The following XKR6 variants were observed in gnomAD, a reference collection of about 807,000 sequenced individuals.
XKR6 encodes the protein XK related 6, also known as XK-related protein 6.
In XKR6, 22 loss-of-function variants were observed where a neutral mutation model predicts 56.7. That is an observed-to-expected ratio of 0.39 (90% CI 0.28 to 0.55). The LOEUF (loss-of-function observed/expected upper bound fraction) is 0.55, where lower values mean the gene tolerates loss of function less well. Ranked by LOEUF, XKR6 falls within the 20% of genes least tolerant of loss-of-function variation. XKR6 has a pLI of 0.66. For synonymous variants in XKR6, 524 were observed against 387.8 expected (o/e 1.35, Z -4.13); for missense variants, 852 against 889.0 (o/e 0.96, Z 0.53).
intron 1 of XKR6, among the ~76,000 whole-genome samples, chr8:11,099,085 C>T (rs1236782337): frequency 2.0e-5 from 3 of 152,138 alleles, no homozygotes; most frequent in Admixed American, 2.0e-4. Flanking sequence ...CCATTTTCGC[C>T]CTCCTCTGTC....
rs1803306344 is a variant in XKR6, at chr8:11,186,925, C to G, written c.764+13651G>C. On this transcript the variant is annotated intron_variant, in intron 1 of 2. Coordinates refer to ENST00000416569, the MANE Select transcript of XKR6 (RefSeq NM_173683.4). ...TTTACTGCCTCTCATATTTAACTAA[C>G]TTCTACTTAATTTGGAAGTTCTCCC... is the stretch of plus-strand genomic sequence containing the variant. Among the ~76,000 whole-genome samples, 3 of 152,180 alleles carry G rather than the reference C, an allele frequency of 2.0e-5. No homozygotes were observed. In the South Asian group the frequency reaches 6.2e-4, roughly 32 times the overall value.
intron 1 of XKR6, among the ~76,000 whole-genome samples, chr8:11,090,345 C>A (rs964964511): frequency 2.1e-4 from 32 of 152,122 alleles, no homozygotes; most frequent in African/African-American, 7.7e-4. Flanking sequence ...CTCTCAGCCT[C>A]CCAAAGTGTT....
intron 1 of XKR6, among the ~76,000 whole-genome samples, chr8:11,132,955 AAAG>A (rs1416597319): frequency 6.6e-6 from 1 of 152,154 alleles, no homozygotes; most frequent in African/African-American, 2.4e-5. Context: ...TACAAGTAAA[AAAG>A]AAGAGTTAAA....
chr8:11,130,700 A>T (rs1024917916), intron 1 of XKR6, among the ~76,000 whole-genome samples: 14 of 152,032 alleles, frequency 9.2e-5, no homozygotes, highest in African/African-American at 3.4e-4. Flanking sequence ...ACAAAGGTAC[A>T]GATTGTGTAT....
At chr8:11,172,701 C>A (rs911307148) in intron 1 of XKR6, among the ~76,000 whole-genome samples, 9 of 152,060 alleles carry the variant, frequency 5.9e-5, no homozygotes, top group African/African-American at 2.2e-4. Flanking sequence ...ACAGAAAAAG[C>A]TTCCACATAA....
intron 2 of XKR6, among the ~76,000 whole-genome samples, chr8:10,900,856 C>A (rs1489625796): frequency 2.2e-4 from 2 of 9,274 alleles, no homozygotes; most frequent in East Asian, 4.3e-3. Flanking sequence ...TGTGCAATTA[C>A]CTTTTTTTTT....
At chr8:10,993,824 G>A (rs1374013844) in intron 1 of XKR6, among the ~76,000 whole-genome samples, 1 of 152,144 alleles carries the variant, frequency 6.6e-6, no homozygotes, top group Non-Finnish European at 1.5e-5. Flanking sequence ...ATTCAAAGAG[G>A]GGCTGGGGTT....
intron 1 of XKR6, among the ~76,000 whole-genome samples, chr8:11,050,833 C>T (rs752474247): frequency 5.9e-5 from 9 of 152,106 alleles, no homozygotes; most frequent in Admixed American, 3.9e-4. Context: ...ACACCTATCC[C>T]CCATTCCCCA....
chr8:11,155,689 G>C (rs1315801908), intron 1 of XKR6, among the ~76,000 whole-genome samples: 1 of 152,184 alleles, frequency 6.6e-6, no homozygotes, highest in East Asian at 1.9e-4. Context: ...CACTTGCAGA[G>C]ACACTGGCAC....
chr8:11,181,005 C>A (rs1280611202), intron 1 of XKR6, among the ~76,000 whole-genome samples: 2 of 152,166 alleles, frequency 1.3e-5, no homozygotes, highest in African/African-American at 2.4e-5. Flanking sequence ...GTCTTCTGGA[C>A]CCACAAGGCT....
At chr8:10,920,810 T>C (rs1198858762) in intron 2 of XKR6, among the ~76,000 whole-genome samples, 1 of 152,202 alleles carries the variant, frequency 6.6e-6, no homozygotes, top group Non-Finnish European at 1.5e-5. Flanking sequence ...AGATCCACAA[T>C]CCAATGACAA....
intron 1 of XKR6, among the ~76,000 whole-genome samples, chr8:11,035,856 T>C (rs17152793): frequency 0.027 from 4,114 of 152,144 alleles, 170 homozygotes; most frequent in African/African-American, 0.086. Flanking sequence ...AAGGCAGGTC[T>C]GATTCTACCT....
intron 1 of XKR6, among the ~76,000 whole-genome samples, chr8:11,184,800 G>A (rs1585031155): frequency 6.6e-6 from 1 of 152,056 alleles, no homozygotes; most frequent in African/African-American, 2.4e-5. Flanking sequence ...CCAAAGTGCT[G>A]GGAATACAGG....
At chr8:11,016,045 T>C (rs2129147195) in intron 1 of XKR6, among the ~76,000 whole-genome samples, 2 of 152,152 alleles carry the variant, frequency 1.3e-5, no homozygotes, top group East Asian at 3.9e-4. Context: ...CCGTCGGCGA[T>C]CCCTGCCCCC....
chr8:11,013,018 G>A (rs1586430804), intron 1 of XKR6, among the ~76,000 whole-genome samples: 2 of 152,108 alleles, frequency 1.3e-5, no homozygotes, highest in Admixed American at 6.5e-5. Flanking sequence ...CTTATCCTTC[G>A]GCTTGAAGAT....
At chr8:11,115,024 G>A (rs143503831) in intron 1 of XKR6, among the ~76,000 whole-genome samples, 23 of 152,212 alleles carry the variant, frequency 1.5e-4, no homozygotes, top group Middle Eastern at 3.4e-3. Context: ...GTCTGGAGTC[G>A]TCAGCCATCT....
chr8:11,171,994 A>G (rs754733981), intron 1 of XKR6, among the ~76,000 whole-genome samples: 16 of 151,790 alleles, frequency 1.1e-4, no homozygotes, highest in Non-Finnish European at 1.5e-4. Flanking sequence ...CACAGTATGC[A>G]GTGAGCCAAC....
chr8:11,131,731 T>C (rs116348376), intron 1 of XKR6, among the ~76,000 whole-genome samples: 9 of 152,158 alleles, frequency 5.9e-5, no homozygotes, highest in Non-Finnish European at 1.0e-4. Flanking sequence ...TTATACCATA[T>C]TTTTACTACA....
At chr8:11,101,694 G>A (rs1798491034) in intron 1 of XKR6, among the ~76,000 whole-genome samples, 1 of 152,188 alleles carries the variant, frequency 6.6e-6, no homozygotes, top group African/African-American at 2.4e-5. Context: ...GGCCTCTCCT[G>A]TGCAACTCTC....
Sources: gnomAD v4.1 joint callset for allele counts (sites outside exome capture counted in the v4.1 genomes callset) on GRCh38, gnomAD v4.1.1 for gene constraint, MANE v1.5 for transcripts, NCBI Gene and HGNC (gene_info 2026-07-23, HGNC 2026-07-21) for gene names.